PLCG2: variants seen among roughly 807,000 people sequenced by gnomAD.
PLCG2 encodes 1-phosphatidylinositol 4,5-bisphosphate phosphodiesterase gamma-2.
A neutral mutation model predicts 175.6 loss-of-function variants in PLCG2; 69 were observed. That is an observed-to-expected ratio of 0.39 (90% CI 0.32 to 0.48). PLCG2 has a LOEUF of 0.48. PLCG2 is among the 20% of genes least tolerant of loss of function. The probability of loss-of-function intolerance (pLI) is 0.91; values close to 1 mark genes in which losing one functional copy is unlikely to be tolerated. For synonymous variants in PLCG2, 827 were observed against 624.0 expected (o/e 1.33, Z -4.85); for missense variants, 1,798 against 1,650.9 (o/e 1.09, Z -1.54).
At chr16:81,932,629 G>A (rs955511846) in intron 25 of PLCG2, among the ~76,000 whole-genome samples, 1 of 152,160 alleles carries the variant, frequency 6.6e-6, no homozygotes, top group Admixed American at 6.5e-5. Flanking sequence ...CCTTGGGAGG[G>A]CCTCACATCT....
intron 2 of PLCG2, among the ~76,000 whole-genome samples, chr16:81,763,206 C>T (rs953591002): frequency 3.3e-5 from 5 of 152,358 alleles, no homozygotes; most frequent in African/African-American, 1.2e-4. Flanking sequence ...GCCTCTCCTC[C>T]ACTGCCGCAG....
chr16:81,911,482 G>A (rs181052764), intron 18 of PLCG2, among the ~76,000 whole-genome samples: 331 of 152,244 alleles, frequency 2.2e-3, no homozygotes, highest in African/African-American at 7.4e-3. Context: ...CTGTTGCCCA[G>A]GCTGGAGTGC....
At position 81,959,454 on chromosome 16, in the gene PLCG2, G is replaced by A. The variant is rs1911701540; in HGVS notation, c.*1456G>A. On this transcript the variant is annotated 3_prime_UTR_variant, in exon 33 of 33. Coordinates refer to ENST00000564138, the MANE Select transcript of PLCG2 (RefSeq NM_002661.5). ...AGTGCCAAGATTTGGGGGTGTGGAT[G>A]TTTAAACAAAAAGCTGTGGGTCTCA... is the stretch of plus-strand genomic sequence containing the variant. 1 of 218,456 alleles carries A rather than the reference G, an allele frequency of 4.6e-6. No homozygotes were observed. The highest frequency in any genetic ancestry group is 2.2e-5 in the African/African-American group (1 of 44,486). 13.5% of individuals were successfully genotyped at this position (218,456 alleles called of 1,614,324 possible).
At chr16:81,929,694 C>A (rs1419996803) in intron 24 of PLCG2, among the ~76,000 whole-genome samples, 1 of 152,234 alleles carries the variant, frequency 6.6e-6, no homozygotes, top group Admixed American at 6.5e-5. Flanking sequence ...CCATGCCCAG[C>A]CTGCTTTCCA....
chr16:81,867,119 G>T (rs995106223), intron 5 of PLCG2, among the ~76,000 whole-genome samples: 1 of 152,226 alleles, frequency 6.6e-6, no homozygotes, highest in South Asian at 2.1e-4. Context: ...CAGAGGAAAG[G>T]CTGGAGGTGG....
At chr16:81,904,528 C>G (rs1909281253) in intron 14 of PLCG2, among the ~76,000 whole-genome samples, 1 of 152,230 alleles carries the variant, frequency 6.6e-6, no homozygotes, top group Non-Finnish European at 1.5e-5. Flanking sequence ...AGCTGCAGTG[C>G]TGTTTGCACC....
At chr16:81,842,544 C>T (rs1267542831) in intron 2 of PLCG2, among the ~76,000 whole-genome samples, 4 of 152,158 alleles carry the variant, frequency 2.6e-5, no homozygotes, top group Non-Finnish European at 5.9e-5. Flanking sequence ...AGCCTTCTGT[C>T]TGTCTGTTTG....
At chr16:81,750,623 A>C (rs961345063) in intron 1 of PLCG2, among the ~76,000 whole-genome samples, 3 of 149,120 alleles carry the variant, frequency 2.0e-5, no homozygotes, top group Non-Finnish European at 4.4e-5. Context: ...TTTACAATGG[A>C]CTACTATTCA....
At chr16:81,866,988 G>A (rs368008897) in intron 5 of PLCG2, among the ~76,000 whole-genome samples, 2 of 152,246 alleles carry the variant, frequency 1.3e-5, no homozygotes, top group African/African-American at 4.8e-5. Flanking sequence ...GCCCAACAGG[G>A]ACTTTTTCTG....
At chr16:81,839,481 T>C (rs1336832921) in intron 2 of PLCG2, among the ~76,000 whole-genome samples, 2 of 152,176 alleles carry the variant, frequency 1.3e-5, no homozygotes, top group Non-Finnish European at 1.5e-5. Flanking sequence ...TATAAAGTAA[T>C]GAGCCCTTCC....
intron 1 of PLCG2, among the ~76,000 whole-genome samples, chr16:81,779,735 C>T (rs1220394685): frequency 6.6e-6 from 1 of 151,994 alleles, no homozygotes; most frequent in Non-Finnish European, 1.5e-5. Flanking sequence ...TGGGGGCTGG[C>T]GTTCAAAACT....
intron 1 of PLCG2, among the ~76,000 whole-genome samples, chr16:81,783,888 G>C (rs902672055): frequency 1.3e-5 from 2 of 152,130 alleles, no homozygotes; most frequent in Non-Finnish European, 2.9e-5. Flanking sequence ...CTTAAAGCCA[G>C]TTCCTCCTGC....
At chr16:81,882,578 G>C (rs1320204842) in intron 8 of PLCG2, among the ~76,000 whole-genome samples, 1 of 152,092 alleles carries the variant, frequency 6.6e-6, no homozygotes, top group Non-Finnish European at 1.5e-5. Context: ...TCACATCCCT[G>C]TGTTCCCCAC....
rs773396455 is a variant in PLCG2, at chr16:81,893,694, C to G, written c.987-15C>G. 1 of 1,580,266 alleles carries G rather than the reference C, an allele frequency of 6.3e-7. No homozygotes were observed. The highest frequency in any genetic ancestry group is 1.7e-4 in the Middle Eastern group (1 of 6,000). ...GCTGCCACTCTCACACGGCCACCTG[C>G]CTTCTCTCCTGCAGGTACCTTACAG... is the stretch of plus-strand genomic sequence containing the variant. On this transcript the variant is annotated splice_polypyrimidine_tract_variant and intron_variant, in intron 11 of 32. Transcript: ENST00000564138.
intron 1 of PLCG2, among the ~76,000 whole-genome samples, chr16:81,784,669 C>G (rs1014343563): frequency 6.6e-6 from 1 of 152,158 alleles, no homozygotes; most frequent in African/African-American, 2.4e-5. Flanking sequence ...GGAGTGCTGA[C>G]TTTGTATCAT....
intron 2 of PLCG2, among the ~76,000 whole-genome samples, chr16:81,820,133 T>G (rs1315832906): frequency 2.0e-5 from 3 of 152,246 alleles, no homozygotes; most frequent in Non-Finnish European, 4.4e-5. Flanking sequence ...AAGAACTTTT[T>G]AAAATGAACT....
At chr16:81,905,364 T>A (rs750908184) in intron 14 of PLCG2, 39 bp from the exon 15 acceptor site, 53 of 1,460,570 alleles carry the variant, frequency 3.6e-5, no homozygotes, top group Non-Finnish European at 4.9e-5. Flanking sequence ...TAAACTTGGG[T>A]CTCCATGGAG....
At chr16:81,840,753 C>G (rs74029245) in intron 2 of PLCG2, among the ~76,000 whole-genome samples, 1 of 152,156 alleles carries the variant, frequency 6.6e-6, no homozygotes, top group African/African-American at 2.4e-5. Flanking sequence ...GGGCCACAGA[C>G]AGGTGCCAGT....
chr16:81,962,666 A>G lies in PLCG2; in HGVS notation c.*4668A>G, dbSNP rs987492350. ...ACAGCTGTATCACATTTTGAAAAAT[A>G]AAAGTTTCATCTGAATGAATATAGC... is the stretch of plus-strand genomic sequence containing the variant. On this transcript the variant is annotated 3_prime_UTR_variant, in exon 33 of 33. Coordinates refer to ENST00000564138, the MANE Select transcript of PLCG2 (RefSeq NM_002661.5). 7 of 218,032 alleles carry G rather than the reference A, an allele frequency of 3.2e-5. No individual in the cohort carries two copies. The highest frequency in any genetic ancestry group is 4.6e-5 in the Non-Finnish European group (5 of 108,548). 13.5% of individuals were successfully genotyped at this position (218,032 alleles called of 1,614,324 possible).
Sources: gnomAD v4.1 joint callset for allele counts (sites outside exome capture counted in the v4.1 genomes callset) on GRCh38, gnomAD v4.1.1 for gene constraint, MANE v1.5 for transcripts, NCBI Gene and HGNC (gene_info 2026-07-23, HGNC 2026-07-21) for gene names.